SCAPER: variants seen among roughly 807,000 people sequenced by gnomAD.
The protein encoded by SCAPER is S phase cyclin A-associated protein in the endoplasmic reticulum.
A neutral mutation model predicts 182.2 loss-of-function variants in SCAPER; 98 were observed. The ratio of observed to expected loss-of-function variants is 0.54; its 90% confidence interval spans 0.46 to 0.64. The LOEUF is 0.64. Among genes scored for constraint, SCAPER ranks in the 30% least tolerant of loss-of-function variants. SCAPER has a pLI of 0.00. For synonymous variants in SCAPER, 605 were observed against 564.6 expected (o/e 1.07, Z -1.01); for missense variants, 1,432 against 1,690.0 (o/e 0.85, Z 2.68).
At chr15:76,404,030 C>A (rs1190588223) in intron 27 of SCAPER, among the ~76,000 whole-genome samples, 1 of 152,130 alleles carries the variant, frequency 6.6e-6, no homozygotes, top group Non-Finnish European at 1.5e-5. Context: ...CTTCAGGGAC[C>A]TATTGTTTTA....
chr15:76,489,288 T>G (rs1411783519), intron 24 of SCAPER, among the ~76,000 whole-genome samples: 1 of 148,356 alleles, frequency 6.7e-6, no homozygotes, highest in Non-Finnish European at 1.5e-5. Flanking sequence ...TTTGCTCTTT[T>G]GCTATGTAAT....
chr15:76,730,573 AAAAAAAAGTGAAT>A (rs906443172), intron 16 of SCAPER, among the ~76,000 whole-genome samples: 3 of 150,890 alleles, frequency 2.0e-5, no homozygotes, highest in Admixed American at 6.6e-5. Flanking sequence ...TTCTCCATTA[AAAAAAAAGTGAAT>A]AAAAAAATTC....
chr15:76,497,811 T>G (rs972244374), intron 24 of SCAPER, among the ~76,000 whole-genome samples: 2 of 151,186 alleles, frequency 1.3e-5, no homozygotes, highest in Non-Finnish European at 3.0e-5. Flanking sequence ...ACCAACATGG[T>G]GAAACCCCAT....
At chr15:76,752,810 C>T (rs559982822) in intron 15 of SCAPER, among the ~76,000 whole-genome samples, 25 of 151,568 alleles carry the variant, frequency 1.6e-4, no homozygotes, top group African/African-American at 5.8e-4. Flanking sequence ...GTGGTGATGA[C>T]TGCATAACAT....
intron 22 of SCAPER, among the ~76,000 whole-genome samples, chr15:76,601,578 G>A (rs567528209): frequency 8.2e-6 from 1 of 121,440 alleles, no homozygotes; most frequent in African/African-American, 2.5e-5. Context: ...ATACTCTGAT[G>A]TTCAAACAAT....
At chr15:76,510,507 C>T (rs753635956) in intron 23 of SCAPER, among the ~76,000 whole-genome samples, 1 of 152,082 alleles carries the variant, frequency 6.6e-6, no homozygotes, top group Non-Finnish European at 1.5e-5. Flanking sequence ...TTCAACATCA[C>T]TAATAATCAG....
chr15:76,705,404 G>T (rs76103993), intron 18 of SCAPER, among the ~76,000 whole-genome samples: 1 of 118,092 alleles, frequency 8.5e-6, no homozygotes, highest in Non-Finnish European at 1.7e-5. Flanking sequence ...GTTTTGGGGT[G>T]GGGGGAGGGG....
intron 29 of SCAPER, among the ~76,000 whole-genome samples, chr15:76,359,814 G>T (rs902843955): frequency 1.6e-4 from 24 of 152,190 alleles, no homozygotes; most frequent in African/African-American, 5.8e-4. Flanking sequence ...ATCCTCCATT[G>T]CTCTGCTGGG....
At chr15:76,401,914 G>A (rs563148153) in intron 27 of SCAPER, among the ~76,000 whole-genome samples, 24 of 152,258 alleles carry the variant, frequency 1.6e-4, no homozygotes, top group African/African-American at 5.3e-4. Context: ...AGCACTTGAG[G>A]TCAGGAGTTC....
chr15:76,470,202 T>G (rs1042321345), intron 25 of SCAPER, among the ~76,000 whole-genome samples: 2 of 152,228 alleles, frequency 1.3e-5, no homozygotes, highest in Non-Finnish European at 2.9e-5. Flanking sequence ...TGCCAGGTCC[T>G]ATGTTAGAAT....
chr15:76,383,088 GT>G (rs1426009119), intron 27 of SCAPER, among the ~76,000 whole-genome samples: 3 of 3,580 alleles, frequency 8.4e-4, no homozygotes, highest in Non-Finnish European at 6.3e-3. Context: ...GTGTATAGGT[GT>G]GTGTGTGTGT....
At chr15:76,790,086 C>T (rs2064893849) in intron 8 of SCAPER, among the ~76,000 whole-genome samples, 1 of 152,030 alleles carries the variant, frequency 6.6e-6, no homozygotes, top group African/African-American at 2.4e-5. Flanking sequence ...AAAAAATTAG[C>T]CAGGCGTGGT....
intron 23 of SCAPER, among the ~76,000 whole-genome samples, chr15:76,545,359 C>G (rs2045179492): frequency 6.6e-6 from 1 of 152,120 alleles, no homozygotes; most frequent in South Asian, 2.1e-4. Context: ...CAACTGCTTG[C>G]CCAATGACGC....
At chr15:76,543,752 T>C (rs137871298) in intron 23 of SCAPER, among the ~76,000 whole-genome samples, 21 of 152,302 alleles carry the variant, frequency 1.4e-4, no homozygotes, top group African/African-American at 5.1e-4. Flanking sequence ...ATGAATGCTG[T>C]GACCTCCAAC....
chr15:76,847,871 T>C (rs1167672362), intron 4 of SCAPER, among the ~76,000 whole-genome samples: 4 of 152,190 alleles, frequency 2.6e-5, no homozygotes, highest in African/African-American at 7.2e-5. Context: ...CAGTGAGCTA[T>C]GATCATGCCA....
chr15:76,820,806 T>G (rs2067482700), intron 5 of SCAPER, among the ~76,000 whole-genome samples: 1 of 151,290 alleles, frequency 6.6e-6, no homozygotes, highest in Non-Finnish European at 1.5e-5. Context: ...GATTAAATAA[T>G]AAGCCAAAGT....
intron 24 of SCAPER, among the ~76,000 whole-genome samples, chr15:76,480,473 C>T (rs187564446): frequency 7.7e-4 from 117 of 152,318 alleles, no homozygotes; most frequent in African/African-American, 2.8e-3. Flanking sequence ...CCTGAAAGCA[C>T]GTACCAATTC....
At chr15:76,488,143 T>A (rs955523558) in intron 24 of SCAPER, among the ~76,000 whole-genome samples, 1 of 152,136 alleles carries the variant, frequency 6.6e-6, no homozygotes, top group Non-Finnish European at 1.5e-5. Flanking sequence ...CAGCTCAAGA[T>A]AAAATACAGC....
intron 23 of SCAPER, among the ~76,000 whole-genome samples, chr15:76,513,678 G>A (rs540281402): frequency 6.6e-6 from 1 of 152,142 alleles, no homozygotes; most frequent in Admixed American, 6.5e-5. Context: ...ATTTCTGGAT[G>A]GCTTAATACC....
Sources: allele counts gnomAD v4.1 joint callset (sites outside exome capture counted in the v4.1 genomes callset), GRCh38; gene constraint gnomAD v4.1.1; transcripts MANE v1.5; gene names NCBI Gene and HGNC (gene_info 2026-07-23, HGNC 2026-07-21).